The following DMD variants were observed in gnomAD, a reference collection of about 807,000 sequenced individuals.
DMD encodes the protein dystrophin.
A neutral mutation model predicts 330.1 loss-of-function variants in DMD; 63 were observed. The ratio of observed to expected loss-of-function variants is 0.19; its 90% confidence interval spans 0.16 to 0.24. The LOEUF (loss-of-function observed/expected upper bound fraction) is 0.24. Ranked by LOEUF, DMD falls within the 10% of genes least tolerant of loss-of-function variation. The pLI is 1.00. For missense variants in DMD, 3,344 were observed against 2,684.1 expected (o/e 1.25, Z -5.43); for synonymous variants, 1,223 against 959.8 (o/e 1.27, Z -5.07).
intron 20 of DMD, among the ~76,000 whole-genome samples, chrX:32,485,317 G>A (rs1423256014): frequency 9.0e-6 from 1 of 110,985 alleles, no homozygotes; most frequent in African/African-American, 3.3e-5. Flanking sequence ...CCTATATAAT[G>A]ATATTTAAAT....
At chrX:32,979,750 T>G (rs1260490799) in intron 2 of DMD, among the ~76,000 whole-genome samples, 7 of 111,858 alleles carry the variant, frequency 6.3e-5, no homozygotes, top group Admixed American at 5.7e-4. Flanking sequence ...GGAAGATATA[T>G]AATGGGAGAA....
chrX:32,418,039 T>A (rs1224346397), intron 29 of DMD, among the ~76,000 whole-genome samples: 1 of 110,810 alleles, frequency 9.0e-6, no homozygotes, highest in African/African-American at 3.3e-5. Flanking sequence ...TTTTAGACCA[T>A]GGCTTAAGCT....
At chrX:32,967,582 T>A (rs1244243156) in intron 2 of DMD, among the ~76,000 whole-genome samples, 13 of 111,374 alleles carry the variant, frequency 1.2e-4, no homozygotes, top group Non-Finnish European at 1.7e-4. Flanking sequence ...TTCCCCGCAG[T>A]GGCAAACCCA....
At chrX:31,428,987 T>C (rs2063874147) in intron 60 of DMD, among the ~76,000 whole-genome samples, 1 of 109,442 alleles carries the variant, frequency 9.1e-6, no homozygotes, top group Non-Finnish European at 1.9e-5. Context: ...CTGGGCGTGG[T>C]GGTGGATGCC....
intron 46 of DMD, among the ~76,000 whole-genome samples, chrX:31,931,866 A>C (rs755869447): frequency 4.5e-5 from 5 of 111,047 alleles, no homozygotes; most frequent in African/African-American, 1.6e-4. Flanking sequence ...GTGTGTGTGT[A>C]TATATAAATA....
chrX:31,905,558 G>A (rs750979782), intron 47 of DMD, among the ~76,000 whole-genome samples: 4 of 109,938 alleles, frequency 3.6e-5, no homozygotes, highest in Non-Finnish European at 7.6e-5. Flanking sequence ...GAACATAATT[G>A]GTAGCAAAAG....
chrX:31,927,654 C>A (rs866753186), intron 47 of DMD, among the ~76,000 whole-genome samples: 8 of 97,741 alleles, frequency 8.2e-5, no homozygotes, highest in African/African-American at 3.2e-4. Context: ...TTTTTTTTTT[C>A]AAATAACTAC....
intron 50 of DMD, among the ~76,000 whole-genome samples, chrX:31,790,144 G>A (rs2091499723): frequency 9.0e-6 from 1 of 111,708 alleles, no homozygotes; most frequent in Non-Finnish European, 1.9e-5. Context: ...TATATTTTCT[G>A]TGGAATACAA....
At chrX:32,149,720 T>C (rs1265132327) in intron 44 of DMD, among the ~76,000 whole-genome samples, 2 of 111,785 alleles carry the variant, frequency 1.8e-5, no homozygotes, top group African/African-American at 6.5e-5. Context: ...TTGGAAACTT[T>C]ATCAATAAAG....
chrX:31,492,243 A>G, intron 57 of DMD, among the ~76,000 whole-genome samples: 1 of 112,665 alleles, frequency 8.9e-6, no homozygotes, highest in East Asian at 2.8e-4. Context: ...TTAGATCTTG[A>G]TGGAATTTTG....
chrX:31,732,880 C>T (rs190342165), intron 51 of DMD, among the ~76,000 whole-genome samples: 38 of 111,564 alleles, frequency 3.4e-4, no homozygotes, highest in Admixed American at 2.8e-3. Flanking sequence ...CTGATATGAT[C>T]CCAGATATTT....
intron 44 of DMD, among the ~76,000 whole-genome samples, chrX:32,031,948 T>C (rs1474353548): frequency 1.8e-5 from 2 of 112,160 alleles, no homozygotes; most frequent in African/African-American, 6.5e-5. Context: ...AACTATTTTA[T>C]TATTTTCTAG....
chrX:32,366,491 C>T (rs1963702), intron 34 of DMD, among the ~76,000 whole-genome samples: 47,261 of 111,198 alleles, frequency 0.43, 7,567 homozygotes, highest in East Asian at 0.72. Context: ...ACAGCAATAA[C>T]AGGAAAGTGG....
intron 55 of DMD, among the ~76,000 whole-genome samples, chrX:31,519,176 A>G (rs188390038): frequency 3.6e-5 from 4 of 112,098 alleles, no homozygotes; most frequent in Non-Finnish European, 7.5e-5. Context: ...CTTCCCATGG[A>G]CCAATACATA....
At chrX:32,285,166 C>G (rs1214561835) in intron 43 of DMD, among the ~76,000 whole-genome samples, 1 of 112,141 alleles carries the variant, frequency 8.9e-6, no homozygotes, top group East Asian at 2.8e-4. Flanking sequence ...TATATAGAAG[C>G]ACAGTAATCA....
chrX:31,134,444 A>T (rs2034938179), intron 76 of DMD, among the ~76,000 whole-genome samples: 2 of 88,759 alleles, frequency 2.3e-5, no homozygotes, highest in African/African-American at 4.4e-5. Context: ...TTTTTTTGAG[A>T]TGGAGTCTTG....
At chrX:31,735,107 G>T (rs1396032404) in intron 51 of DMD, among the ~76,000 whole-genome samples, 1 of 110,862 alleles carries the variant, frequency 9.0e-6, no homozygotes, top group East Asian at 2.9e-4. Context: ...GCCTTCCTTG[G>T]GAGACATGGG....
chrX:32,536,407 T>G (rs1239950403), intron 17 of DMD, among the ~76,000 whole-genome samples: 1 of 110,959 alleles, frequency 9.0e-6, no homozygotes, highest in African/African-American at 3.3e-5. Context: ...AAGAGAATCT[T>G]AGGCAGAGAA....
At chrX:33,050,462 A>AATAAATG (rs1022408413) in intron 1 of DMD, among the ~76,000 whole-genome samples, 5 of 111,985 alleles carry the variant, frequency 4.5e-5, no homozygotes, top group African/African-American at 1.6e-4. Flanking sequence ...ATGCACGCAG[A>AATAAATG]ATAAATGTCA....
Sources: gnomAD v4.1 joint callset for allele counts (sites outside exome capture counted in the v4.1 genomes callset) on GRCh38, gnomAD v4.1.1 for gene constraint, MANE v1.5 for transcripts, NCBI Gene and HGNC (gene_info 2026-07-23, HGNC 2026-07-21) for gene names.